Variants in GPC5 observed in about 807,000 individuals in gnomAD.
GPC5 encodes the protein glypican 5.
In GPC5, 47 loss-of-function variants were observed where a neutral mutation model predicts 53.9. The observed-to-expected ratio is 0.87, with a 90% confidence interval of 0.69 to 1.11. The LOEUF is 1.11. Among genes scored for constraint, GPC5 ranks in the 50% most tolerant of loss-of-function variants. The pLI, the probability that GPC5 is intolerant of heterozygous loss-of-function variation, is 0.00. For missense variants in GPC5, 748 were observed against 713.1 expected, an observed-to-expected ratio of 1.05 and a Z score of -0.56; for synonymous variants, 286 against 263.3, an observed-to-expected ratio of 1.09 and a Z score of -0.84.
chr13:92,538,329 A>C (rs1411742954), intron 7 of GPC5, among the ~76,000 whole-genome samples: 65 of 114,108 alleles, frequency 5.7e-4, no homozygotes, highest in East Asian at 1.0e-3. Context: ...ATCCCTTTCT[A>C]CCTCCCTCCT....
At chr13:92,592,312 C>A (rs1883738201) in intron 7 of GPC5, among the ~76,000 whole-genome samples, 1 of 152,114 alleles carries the variant, frequency 6.6e-6, no homozygotes, top group South Asian at 2.1e-4. Flanking sequence ...GAAGATGCAA[C>A]TGATCAGATG....
At chr13:91,760,537 T>C (rs1234361247) in intron 5 of GPC5, among the ~76,000 whole-genome samples, 1 of 152,202 alleles carries the variant, frequency 6.6e-6, no homozygotes, top group African/African-American at 2.4e-5. Flanking sequence ...AGCTTCATTC[T>C]AGAGGAGTTA....
In GPC5 at chr13:91,461,637, C is replaced by A. The variant is rs1358178047; in HGVS notation, c.325+12715C>A. Among the ~76,000 whole-genome samples the A allele has an allele frequency of 2.0e-5, 3 of 152,118 alleles. No individual in the cohort carries two copies. In the East Asian group the frequency reaches 5.8e-4, roughly 29 times the overall value. ...TGCCTCGTACATAATGAACACTCAACATATATTAGCTATTATTTATTTATT... is the reference window on the plus strand; with the variant it reads ...TGCCTCGTACATAATGAACACTCAAAATATATTAGCTATTATTTATTTATT... On this transcript the variant is annotated intron_variant, in intron 2 of 7. Coordinates refer to ENST00000377067, the MANE Select transcript of GPC5 (RefSeq NM_004466.6).
intron 7 of GPC5, among the ~76,000 whole-genome samples, chr13:92,329,062 G>A (rs957753318): frequency 2.0e-5 from 3 of 152,136 alleles, no homozygotes; most frequent in Non-Finnish European, 2.9e-5. Context: ...TGAGAGGGAA[G>A]GGACTCAGAA....
At chr13:92,419,103 A>G (rs557845726) in intron 7 of GPC5, among the ~76,000 whole-genome samples, 3 of 152,296 alleles carry the variant, frequency 2.0e-5, no homozygotes, top group South Asian at 4.1e-4. Context: ...AGCATTTAAG[A>G]CTAGTTATGC....
At chr13:92,693,692 T>C (rs894393349) in intron 7 of GPC5, among the ~76,000 whole-genome samples, 29 of 152,164 alleles carry the variant, frequency 1.9e-4, no homozygotes, top group Non-Finnish European at 2.5e-4. Flanking sequence ...AAACTGAAAC[T>C]TTTATTTAAA....
chr13:91,834,551 T>C (rs2038701367), intron 5 of GPC5, among the ~76,000 whole-genome samples: 1 of 152,076 alleles, frequency 6.6e-6, no homozygotes, highest in African/African-American at 2.4e-5. Context: ...AACAGATATA[T>C]AGACCAATGG....
intron 7 of GPC5, among the ~76,000 whole-genome samples, chr13:92,155,504 T>C (rs929105247): frequency 2.0e-5 from 3 of 152,150 alleles, no homozygotes; most frequent in African/African-American, 7.2e-5. Flanking sequence ...TAGGAGGCTT[T>C]TATTGAATTA....
At chr13:91,512,171 C>G in intron 2 of GPC5, among the ~76,000 whole-genome samples, 1 of 152,230 alleles carries the variant, frequency 6.6e-6, no homozygotes, top group East Asian at 1.9e-4. Flanking sequence ...CCAGAAATCG[C>G]TCTATGTTTT....
chr13:91,668,619 A>T (rs116598301), intron 2 of GPC5, among the ~76,000 whole-genome samples: 2,317 of 152,216 alleles, frequency 0.015, 49 homozygotes, highest in African/African-American at 0.051. Flanking sequence ...TCTCTAAAAA[A>T]TTATTTTTTA....
intron 7 of GPC5, among the ~76,000 whole-genome samples, chr13:92,384,064 C>T (rs9523655): frequency 0.57 from 86,024 of 151,616 alleles, 24,872 homozygotes; most frequent in African/African-American, 0.67. Flanking sequence ...GAGAGAAATA[C>T]TTTCAATTAA....
chr13:92,171,075 C>G (rs918475839), intron 7 of GPC5, among the ~76,000 whole-genome samples: 1 of 152,088 alleles, frequency 6.6e-6, no homozygotes, highest in African/African-American at 2.4e-5. Flanking sequence ...CTCTAACTAC[C>G]TTACTATCAT....
At chr13:91,644,606 A>G (rs896238745) in intron 2 of GPC5, among the ~76,000 whole-genome samples, 1 of 151,814 alleles carries the variant, frequency 6.6e-6, no homozygotes, top group African/African-American at 2.4e-5. Context: ...TTTTCCTGTT[A>G]CCCTTTGTAA....
intron 7 of GPC5, among the ~76,000 whole-genome samples, chr13:92,468,029 T>C (rs988813248): frequency 3.3e-5 from 5 of 152,152 alleles, no homozygotes; most frequent in African/African-American, 1.2e-4. Context: ...CTAGATTAAC[T>C]TTCCCACCTT....
In GPC5 at chr13:92,832,375, T is replaced by C. The variant is rs149825839; in HGVS notation, c.1562-33907T>C. Among the ~76,000 whole-genome samples, 1,149 of 152,328 alleles carry C rather than the reference T, an allele frequency of 7.5e-3. 6 individuals are homozygous for C. The highest frequency in any genetic ancestry group is 0.012 in the Non-Finnish European group (842 of 68,028). Reference sequence around the variant, plus strand: ...GAACTAAAAACTAGAACACAAATTCTACAAACTCAGTGGAGTAACTTTCCA... The same window carrying C: ...GAACTAAAAACTAGAACACAAATTCCACAAACTCAGTGGAGTAACTTTCCA... On this transcript the variant is annotated intron_variant, in intron 7 of 7. Coordinates refer to ENST00000377067, the MANE Select transcript of GPC5 (RefSeq NM_004466.6).
chr13:91,790,746 T>G (rs1854975), intron 5 of GPC5, among the ~76,000 whole-genome samples: 51,781 of 152,160 alleles, frequency 0.34, 10,371 homozygotes, highest in East Asian at 0.65. Context: ...TGTAGTAGAA[T>G]AGCCTCTTTG....
At chr13:91,806,424 ATTAAT>A (rs1350105495) in intron 5 of GPC5, among the ~76,000 whole-genome samples, 1 of 130,846 alleles carries the variant, frequency 7.6e-6, no homozygotes, top group African/African-American at 2.7e-5. Context: ...ACTTGGTTTA[ATTAAT>A]TTAATTTCTT....
At chr13:92,477,997 A>C (rs570908110) in intron 7 of GPC5, among the ~76,000 whole-genome samples, 2 of 152,188 alleles carry the variant, frequency 1.3e-5, no homozygotes, top group East Asian at 3.9e-4. Flanking sequence ...ACTTCTCTTA[A>C]ATATTTTGGC....
chr13:91,683,348 G>A (rs990479578), intron 2 of GPC5, among the ~76,000 whole-genome samples: 3 of 152,128 alleles, frequency 2.0e-5, no homozygotes, highest in African/African-American at 7.2e-5. Context: ...CACTGCTTTG[G>A]GATGCCTGGC....
Sources: allele counts gnomAD v4.1 joint callset (sites outside exome capture counted in the v4.1 genomes callset), GRCh38; gene constraint gnomAD v4.1.1; transcripts MANE v1.5; gene names NCBI Gene and HGNC (gene_info 2026-07-23, HGNC 2026-07-21).